TANC2: variants seen among roughly 807,000 people sequenced by gnomAD.
TANC2 encodes the protein tetratricopeptide repeat, ankyrin repeat and coiled-coil containing 2.
TANC2 carries 26 observed loss-of-function variants against 210.5 expected under a neutral mutation model. The observed-to-expected ratio is 0.12, with a 90% confidence interval of 0.09 to 0.17. The LOEUF is 0.17. TANC2 is among the 10% of genes least tolerant of loss of function. The probability of loss-of-function intolerance (pLI) is 1.00; values close to 1 mark genes in which losing one functional copy is unlikely to be tolerated. For synonymous variants in TANC2, 931 were observed against 967.1 expected (o/e 0.96, Z 0.69); for missense variants, 2,129 against 2,608.9 (o/e 0.82, Z 4.01).
rs766883793 is a variant in TANC2, at chr17:63,037,949, A to G, written c.67+28323A>G. Among the ~76,000 whole-genome samples the G allele has an allele frequency of 8.5e-4, 130 of 152,050 alleles. 1 individual carries two copies. The highest frequency in any genetic ancestry group is 1.4e-3 in the Non-Finnish European group (97 of 68,012). On this transcript the variant is annotated intron_variant, in intron 2 of 27. Transcript: ENST00000689528. The stretch of plus-strand genomic sequence containing the variant: ...AGATTCCTTTGAATCTTTTAAGTGG[A>G]CAATAATGTCTTTTGATAATAGGGA...
chr17:63,100,981 C>T (rs1165211119), intron 4 of TANC2, among the ~76,000 whole-genome samples: 1 of 152,034 alleles, frequency 6.6e-6, no homozygotes, highest in Non-Finnish European at 1.5e-5. Flanking sequence ...TATCAAAGGC[C>T]TAGCAATTTA....
At chr17:63,232,895 C>T (rs1384923455) in intron 7 of TANC2, among the ~76,000 whole-genome samples, 1 of 152,248 alleles carries the variant, frequency 6.6e-6, no homozygotes, top group Admixed American at 6.5e-5. Flanking sequence ...GCGGCTGCAA[C>T]TGCGGCTGCC....
chr17:63,414,833 A>G (rs1378164397), intron 25 of TANC2, among the ~76,000 whole-genome samples: 1 of 152,232 alleles, frequency 6.6e-6, no homozygotes, highest in Non-Finnish European at 1.5e-5. Flanking sequence ...AAAGTGGAAG[A>G]AAAGTTCAAG....
chr17:63,255,273 T>C (rs1031145350), intron 8 of TANC2, among the ~76,000 whole-genome samples: 33 of 152,074 alleles, frequency 2.2e-4, no homozygotes, highest in African/African-American at 7.9e-4. Context: ...TTTGTATTTT[T>C]AGTAGAGACG....
chr17:63,339,990 G>A, intron 11 of TANC2, 111 bp from the exon 12 acceptor site: 3 of 768,830 alleles, frequency 3.9e-6, no homozygotes, highest in South Asian at 1.7e-5. Context: ...AAAGTATTAT[G>A]TAATACTGAG....
At chr17:63,103,108 G>GTCATA (rs1567724584) in intron 4 of TANC2, among the ~76,000 whole-genome samples, 2,159 of 152,178 alleles carry the variant, frequency 0.014, 52 homozygotes, top group African/African-American at 0.049. Context: ...CAGCCACATA[G>GTCATA]GTTTTCCTGA....
At chr17:63,375,425 A>C (rs573096186) in intron 14 of TANC2, among the ~76,000 whole-genome samples, 2 of 152,240 alleles carry the variant, frequency 1.3e-5, no homozygotes, top group East Asian at 3.9e-4. Flanking sequence ...TGGTGGTAAA[A>C]TGAAAACACT....
At chr17:63,099,038 T>C in intron 3 of TANC2, 137 bp from the exon 4 acceptor site, 1 of 836,306 alleles carries the variant, frequency 1.2e-6, no homozygotes, top group East Asian at 2.7e-5. Context: ...AGTGTAGAAA[T>C]GAATGCATGT....
chr17:62,967,189 A>T (rs72839495), intron 1 of TANC2: 21,149 of 152,190 alleles, frequency 0.14, 1,913 homozygotes, highest in Middle Eastern at 0.21. Context: ...GTTATTAGCG[A>T]TATTAATAAT....
At chr17:63,344,421 G>A (rs1160368995) in intron 12 of TANC2, among the ~76,000 whole-genome samples, 1 of 152,104 alleles carries the variant, frequency 6.6e-6, no homozygotes, top group Admixed American at 6.5e-5. Context: ...TTCCCCTAAG[G>A]TCAAGAGCAA....
Position 63,181,093 on chromosome 17 carries a change from C to T in TANC2, c.434-12898C>T, listed in dbSNP as rs141927870. On this transcript the variant is annotated intron_variant, in intron 5 of 27. Transcript: ENST00000689528. ...GTAATTTAGCTCCGAATTAGAGGGA[C>T]GTGTGTGTTCCTACTAAATTTGCAA... is the stretch of plus-strand genomic sequence containing the variant. 2.4e-4 allele frequency among the ~76,000 whole-genome samples: 35 copies of T among 147,464 alleles called. No individual in the cohort carries two copies. The South Asian group carries it at 2.8e-3, about 12-fold the overall frequency.
At chr17:63,327,004 A>C (rs1471335426) in intron 11 of TANC2, among the ~76,000 whole-genome samples, 1 of 152,334 alleles carries the variant, frequency 6.6e-6, no homozygotes, top group East Asian at 1.9e-4. Context: ...AATATCTAAA[A>C]TATAAAAGGA....
intron 14 of TANC2, among the ~76,000 whole-genome samples, chr17:63,367,136 G>A (rs1487277016): frequency 6.6e-6 from 1 of 152,240 alleles, no homozygotes; most frequent in Non-Finnish European, 1.5e-5. Flanking sequence ...GGAAGTCCTT[G>A]CATTGCTCTT....
At chr17:63,137,708 T>C (rs975522129) in intron 4 of TANC2, among the ~76,000 whole-genome samples, 4 of 152,216 alleles carry the variant, frequency 2.6e-5, no homozygotes, top group African/African-American at 9.6e-5. Flanking sequence ...TAACAAATAA[T>C]GATTAACCAG....
intron 19 of TANC2, among the ~76,000 whole-genome samples, chr17:63,399,699 G>A (rs567696838): frequency 1.3e-5 from 2 of 152,270 alleles, no homozygotes; most frequent in African/African-American, 4.8e-5. Flanking sequence ...GCCAATCTAG[G>A]GAGAATATTT....
chr17:63,115,458 A>G (rs1344382324), intron 4 of TANC2, among the ~76,000 whole-genome samples: 1 of 152,226 alleles, frequency 6.6e-6, no homozygotes, highest in African/African-American at 2.4e-5. Context: ...TTGAGGCAGT[A>G]GAATTACTTG....
intron 14 of TANC2, among the ~76,000 whole-genome samples, chr17:63,365,205 C>T (rs894535762): frequency 7.9e-5 from 12 of 152,158 alleles, no homozygotes; most frequent in African/African-American, 1.4e-4. Context: ...GCAATTCACT[C>T]GGCCATCTCT....
At chr17:63,061,354 C>G (rs975948564) in intron 2 of TANC2, among the ~76,000 whole-genome samples, 4 of 151,182 alleles carry the variant, frequency 2.6e-5, no homozygotes, top group African/African-American at 7.3e-5. Flanking sequence ...GTGACAAGAG[C>G]GAAACTCTGT....
At chr17:63,174,500 C>G (rs1433963878) in intron 5 of TANC2, among the ~76,000 whole-genome samples, 1 of 152,212 alleles carries the variant, frequency 6.6e-6, no homozygotes, top group South Asian at 2.1e-4. Context: ...TTGTCCATCT[C>G]CGTTTCTGGT....
Sources: gnomAD v4.1 joint callset for allele counts (sites outside exome capture counted in the v4.1 genomes callset) on GRCh38, gnomAD v4.1.1 for gene constraint, MANE v1.5 for transcripts, NCBI Gene and HGNC (gene_info 2026-07-23, HGNC 2026-07-21) for gene names.